IGF1: variants seen among roughly 807,000 people sequenced by gnomAD.
IGF1 encodes insulin like growth factor 1, also known as insulin-like growth factor 1.
A neutral mutation model predicts 13.8 loss-of-function variants in IGF1; 4 were observed. The observed-to-expected ratio is 0.29, with a 90% CI of 0.14 to 0.66. The LOEUF (loss-of-function observed/expected upper bound fraction) is 0.66. Ranked by LOEUF, IGF1 falls within the 30% of genes least tolerant of loss-of-function variation. IGF1 has a pLI of 0.78. For synonymous variants in IGF1, 76 were observed against 72.6 expected (o/e 1.05, Z -0.23); for missense variants, 124 against 188.5 (o/e 0.66, Z 2.00).
rs57084343 is a variant in IGF1, at chr12:102,441,915, C to CCTTCTT, written c.221-22231_221-22226dup. On this transcript the variant is annotated intron_variant, in intron 2 of 3. Transcript: ENST00000337514. ...GTCATTCTATTACACTGCTTCTTCT[C>CCTTCTT]CTTCTTCTTCTTCTTCTTCTTCTTC... 3.0e-3 allele frequency among the ~76,000 whole-genome samples: 362 copies of CCTTCTT among 122,172 alleles called. 7 individuals carry two copies. The highest frequency in any genetic ancestry group is 9.1e-3 in the African/African-American group (297 of 32,498). 80.1% of individuals were successfully genotyped at this position (122,172 alleles called of 152,430 possible).
At chr12:102,448,131 C>A (rs1369151326) in intron 2 of IGF1, among the ~76,000 whole-genome samples, 1 of 149,916 alleles carries the variant, frequency 6.7e-6, no homozygotes, top group East Asian at 2.0e-4. Flanking sequence ...GTCAGTGTGG[C>A]GATTCCTCAG....
At chr12:102,430,743 G>A (rs1211096460) in intron 2 of IGF1, among the ~76,000 whole-genome samples, 1 of 152,152 alleles carries the variant, frequency 6.6e-6, no homozygotes, top group Non-Finnish European at 1.5e-5. Flanking sequence ...CTCTGGGTCA[G>A]GAAGACACTC....
chr12:102,402,661 C>T, intron 3 of IGF1, 95 bp from the exon 4 acceptor site: 1 of 766,002 alleles, frequency 1.3e-6, no homozygotes, highest in Non-Finnish European at 2.4e-6. Flanking sequence ...TGTCTTACGC[C>T]TTACCAGTTG....
At chr12:102,480,069 C>G (rs757992211) in intron 1 of IGF1, among the ~76,000 whole-genome samples, 31 of 152,150 alleles carry the variant, frequency 2.0e-4, no homozygotes, top group Admixed American at 9.2e-4. Context: ...CCACGGAAGC[C>G]CTGCAGAAGT....
At chr12:102,439,919 T>C (rs570634395) in intron 2 of IGF1, among the ~76,000 whole-genome samples, 5 of 152,194 alleles carry the variant, frequency 3.3e-5, no homozygotes, top group African/African-American at 1.2e-4. Flanking sequence ...CACTTAAACA[T>C]CGGGAAGAAT....
intron 3 of IGF1, among the ~76,000 whole-genome samples, chr12:102,405,235 C>T (rs924642040): frequency 2.4e-5 from 3 of 126,978 alleles, no homozygotes; most frequent in South Asian, 5.4e-4. Context: ...TACAGGCACG[C>T]GCCATCATGC....
intron 3 of IGF1, chr12:102,417,557 C>G: frequency 8.4e-7 from 1 of 1,187,826 alleles, no homozygotes; most frequent in Non-Finnish European, 1.0e-6. Context: ...TTTTTTGCCT[C>G]TTTTATAATT....
rs983763975 is a variant in IGF1, at chr12:102,397,068, G to T, written c.*5439C>A. ...ATCCAAAAAATTAGCCGGGCATAGT[G>T]GTGGGTGCCTGTAATCCCAGCTACT... On this transcript the variant is annotated 3_prime_UTR_variant, in exon 4 of 4. Transcript: ENST00000337514. The T allele has an allele frequency of 1.1e-4, 39 of 361,000 alleles. No homozygotes were observed. Among genetic ancestry groups the T allele is most frequent in the Middle Eastern group, 1.4e-3 (2 of 1,412 alleles). The allele number at this position is 361,000 out of a possible 1,614,324, so 22.4% of individuals were successfully genotyped here.
chr12:102,475,296 G>A (rs1880946592), intron 2 of IGF1, among the ~76,000 whole-genome samples: 4 of 151,972 alleles, frequency 2.6e-5, no homozygotes, highest in African/African-American at 7.3e-5. Context: ...TTATATGTGC[G>A]CCCATAGGTT....
At chr12:102,481,351 G>C (rs1003619248), upstream of IGF1, among the ~76,000 whole-genome samples, 8 of 102,064 alleles carry the variant, frequency 7.8e-5, no homozygotes, top group African/African-American at 3.6e-4. Flanking sequence ...TCAAACCTGT[G>C]TGTGTGTGTG....
chr12:102,407,291 G>A (rs1490645857), intron 3 of IGF1, among the ~76,000 whole-genome samples: 1 of 152,042 alleles, frequency 6.6e-6, no homozygotes, highest in African/African-American at 2.4e-5. Flanking sequence ...GCTGAAGCTC[G>A]CTAACATTTA....
intron 2 of IGF1, among the ~76,000 whole-genome samples, chr12:102,465,351 C>T (rs1345475517): frequency 6.6e-6 from 1 of 152,162 alleles, no homozygotes; most frequent in African/African-American, 2.4e-5. Flanking sequence ...CTCAGAACAA[C>T]TCAGAAGTGT....
chr12:102,433,824 A>G (rs913638603), intron 2 of IGF1, among the ~76,000 whole-genome samples: 4 of 152,092 alleles, frequency 2.6e-5, no homozygotes, highest in Admixed American at 2.6e-4. Flanking sequence ...TCAAGTCTCC[A>G]TTTCCTTTCT....
intron 2 of IGF1, among the ~76,000 whole-genome samples, chr12:102,456,271 G>T (rs1408983831): frequency 7.3e-6 from 1 of 136,596 alleles, no homozygotes. Context: ...TGTGTGTATT[G>T]TCTAATCTAG....
chr12:102,418,993 C>A (rs1295091245), intron 3 of IGF1, among the ~76,000 whole-genome samples: 1 of 152,168 alleles, frequency 6.6e-6, no homozygotes, highest in East Asian at 1.9e-4. Flanking sequence ...ATTGTAGAAT[C>A]TCAGAACTTG....
chr12:102,450,875 G>A (rs1436405065), intron 2 of IGF1, among the ~76,000 whole-genome samples: 1 of 152,206 alleles, frequency 6.6e-6, no homozygotes, highest in Non-Finnish European at 1.5e-5. Flanking sequence ...ATTGAAGATA[G>A]GATTTGGGAT....
intron 2 of IGF1, among the ~76,000 whole-genome samples, chr12:102,449,478 G>A (rs1279779637): frequency 1.3e-5 from 2 of 151,770 alleles, no homozygotes; most frequent in Non-Finnish European, 1.5e-5. Flanking sequence ...AACCACAATG[G>A]CACATGTATA....
intron 2 of IGF1, among the ~76,000 whole-genome samples, chr12:102,454,106 C>T (rs896179436): frequency 6.6e-6 from 1 of 152,194 alleles, no homozygotes; most frequent in African/African-American, 2.4e-5. Context: ...GTCTCATGCA[C>T]CTGCAAACAT....
chr12:102,442,670 G>A (rs1010812778), intron 2 of IGF1, among the ~76,000 whole-genome samples: 4 of 152,036 alleles, frequency 2.6e-5, no homozygotes, highest in Non-Finnish European at 5.9e-5. Flanking sequence ...AGGAAAAAAA[G>A]GCAAGTGAGG....
Sources: gnomAD v4.1 joint callset for allele counts (sites outside exome capture counted in the v4.1 genomes callset) on GRCh38, gnomAD v4.1.1 for gene constraint, MANE v1.5 for transcripts, NCBI Gene and HGNC (gene_info 2026-07-23, HGNC 2026-07-21) for gene names.